The following STXBP5L variants were observed in gnomAD, a reference collection of about 807,000 sequenced individuals.
STXBP5L encodes syntaxin binding protein 5L.
A neutral mutation model predicts 144.5 loss-of-function variants in STXBP5L; 65 were observed. The observed-to-expected ratio is 0.45, with a 90% confidence interval of 0.37 to 0.55. The LOEUF is 0.55. STXBP5L is among the 20% of genes least tolerant of loss of function. The pLI, the probability that STXBP5L is intolerant of heterozygous loss-of-function variation, is 0.00. For missense variants in STXBP5L, 1,298 were observed against 1,405.5 expected, an observed-to-expected ratio of 0.92 and a Z score of 1.22; for synonymous variants, 505 against 469.6, an observed-to-expected ratio of 1.08 and a Z score of -0.97.
At chr3:120,982,184 A>C (rs1179834880) in intron 3 of STXBP5L, among the ~76,000 whole-genome samples, 1 of 152,196 alleles carries the variant, frequency 6.6e-6, no homozygotes, top group Admixed American at 6.5e-5. Context: ...TGGCAGAAGC[A>C]GATGGGTATG....
intron 20 of STXBP5L, among the ~76,000 whole-genome samples, chr3:121,349,142 A>T (rs1346768050): frequency 3.9e-5 from 6 of 152,028 alleles, no homozygotes; most frequent in African/African-American, 1.4e-4. Context: ...TGTCCCGGAG[A>T]TTCTGGTACG....
intron 5 of STXBP5L, among the ~76,000 whole-genome samples, chr3:121,090,161 T>A (rs1156705557): frequency 6.6e-6 from 1 of 152,198 alleles, no homozygotes; most frequent in Non-Finnish European, 1.5e-5. Context: ...GGCATTGTTA[T>A]GAGGTTTCAG....
chr3:121,026,220 A>G (rs1945933223), intron 3 of STXBP5L, among the ~76,000 whole-genome samples: 1 of 151,762 alleles, frequency 6.6e-6, no homozygotes. Context: ...AAGCACCATT[A>G]ACCTTTTACA....
chr3:120,964,327 G>A (rs1445962944), intron 3 of STXBP5L, among the ~76,000 whole-genome samples: 1 of 152,044 alleles, frequency 6.6e-6, no homozygotes, highest in African/African-American at 2.4e-5. Context: ...TTTTGAATTT[G>A]TTTGCTCTTG....
Position 121,036,308 on chromosome 3 carries a change from G to C in STXBP5L, c.288-5392G>C, listed in dbSNP as rs886436642. 5.9e-5 allele frequency among the ~76,000 whole-genome samples: 9 copies of C among 152,182 alleles called. No individual in the cohort carries two copies. The East Asian group carries it at 1.4e-3, about 23-fold the overall frequency. The stretch of plus-strand genomic sequence containing the variant: ...ATATTGAGCCACTGTACTCCAGCCT[G>C]GGCAACACGAGTGAGACTCCATCTT... On this transcript the variant is annotated intron_variant, in intron 3 of 26. Transcript: ENST00000471454.
chr3:121,393,287 T>C (rs2046643137), intron 22 of STXBP5L, among the ~76,000 whole-genome samples: 1 of 152,156 alleles, frequency 6.6e-6, no homozygotes, highest in Admixed American at 6.5e-5. Flanking sequence ...ATTTGTGTTT[T>C]CCTTTTTGAA....
intron 1 of STXBP5L, among the ~76,000 whole-genome samples, chr3:120,908,637 G>A (rs1334972623): frequency 6.6e-6 from 1 of 151,584 alleles, no homozygotes; most frequent in Admixed American, 6.6e-5. Context: ...GGGAGGGACA[G>A]CGGGAGCGGC....
chr3:121,082,744 A>C (rs775518001), intron 5 of STXBP5L, among the ~76,000 whole-genome samples: 1 of 152,198 alleles, frequency 6.6e-6, no homozygotes, highest in East Asian at 1.9e-4. Flanking sequence ...TTTGTCAAAT[A>C]CTATTTCTGC....
At chr3:121,310,325 C>A (rs1353414455) in intron 19 of STXBP5L, among the ~76,000 whole-genome samples, 1 of 152,230 alleles carries the variant, frequency 6.6e-6, no homozygotes, top group Non-Finnish European at 1.5e-5. Flanking sequence ...AGAGGCCAGG[C>A]ATGGGCTGGG....
chr3:121,078,076 G>A (rs1377562737), intron 5 of STXBP5L, among the ~76,000 whole-genome samples: 1 of 151,180 alleles, frequency 6.6e-6, no homozygotes, highest in East Asian at 2.0e-4. Flanking sequence ...GCCAATTGGT[G>A]TATTTACAAT....
intron 20 of STXBP5L, among the ~76,000 whole-genome samples, chr3:121,330,599 G>A (rs550449946): frequency 6.6e-6 from 1 of 152,086 alleles, no homozygotes; most frequent in East Asian, 1.9e-4. Context: ...TACCTCCCCT[G>A]GGTAACTAAC....
chr3:121,159,671 C>A (rs1417370339), intron 9 of STXBP5L, among the ~76,000 whole-genome samples: 2 of 149,722 alleles, frequency 1.3e-5, no homozygotes, highest in Non-Finnish European at 1.5e-5. Flanking sequence ...GCTCTTTCGC[C>A]CAGGCTGGAC....
intron 21 of STXBP5L, among the ~76,000 whole-genome samples, chr3:121,379,432 A>T (rs1199994543): frequency 1.3e-5 from 2 of 152,116 alleles, no homozygotes; most frequent in Non-Finnish European, 2.9e-5. Context: ...ATTTTTACAG[A>T]GGCAAAAAAA....
chr3:121,274,178 G>A (rs1022665383), intron 18 of STXBP5L, among the ~76,000 whole-genome samples: 1 of 152,004 alleles, frequency 6.6e-6, no homozygotes, highest in Non-Finnish European at 1.5e-5. Flanking sequence ...TTGTATATTT[G>A]AGGCAACAAG....
chr3:121,337,750 A>G (rs1009371154), intron 20 of STXBP5L, among the ~76,000 whole-genome samples: 1 of 152,192 alleles, frequency 6.6e-6, no homozygotes, highest in Non-Finnish European at 1.5e-5. Context: ...GAGCTTCAGA[A>G]TATACATTAT....
chr3:121,060,015 A>T (rs1167255400), intron 5 of STXBP5L, among the ~76,000 whole-genome samples: 1 of 152,172 alleles, frequency 6.6e-6, no homozygotes, highest in Non-Finnish European at 1.5e-5. Flanking sequence ...TATGTTGAAT[A>T]GGAGTGGTGA....
At chr3:121,116,768 C>T (rs1190752546) in intron 6 of STXBP5L, among the ~76,000 whole-genome samples, 1 of 151,852 alleles carries the variant, frequency 6.6e-6, no homozygotes, top group Non-Finnish European at 1.5e-5. Flanking sequence ...GTCCTTTTCC[C>T]CTGTAATCCT....
intron 3 of STXBP5L, among the ~76,000 whole-genome samples, chr3:121,034,698 CT>C (rs1407951862): frequency 6.6e-6 from 1 of 152,096 alleles, no homozygotes; most frequent in African/African-American, 2.4e-5. Flanking sequence ...GTGGAATTAT[CT>C]TTTTGGTATA....
intron 3 of STXBP5L, among the ~76,000 whole-genome samples, chr3:120,977,928 G>T (rs1369689082): frequency 1.3e-5 from 2 of 152,208 alleles, no homozygotes; most frequent in Non-Finnish European, 2.9e-5. Flanking sequence ...TTAGTCTGAT[G>T]GGCTTCCCTT....
Sources: gnomAD v4.1 joint callset for allele counts (sites outside exome capture counted in the v4.1 genomes callset) on GRCh38, gnomAD v4.1.1 for gene constraint, MANE v1.5 for transcripts, NCBI Gene and HGNC (gene_info 2026-07-23, HGNC 2026-07-21) for gene names.